KLHL29: variants seen among roughly 807,000 people sequenced by gnomAD.
The protein encoded by KLHL29 is kelch like family member 29, also known as kelch-like protein 29.
A neutral mutation model predicts 80.4 loss-of-function variants in KLHL29; 21 were observed. The observed-to-expected ratio is 0.26, with a 90% CI of 0.19 to 0.38. KLHL29 has a LOEUF of 0.38. Ranked by LOEUF, KLHL29 falls within the 10% of genes least tolerant of loss-of-function variation. The probability of loss-of-function intolerance (pLI) is 1.00; values close to 1 mark genes in which losing one functional copy is unlikely to be tolerated. For synonymous variants in KLHL29, 511 were observed against 526.8 expected (o/e 0.97, Z 0.41); for missense variants, 867 against 1,223.9 (o/e 0.71, Z 4.35).
At chr2:23,636,110 G>A (rs897099519) in intron 3 of KLHL29, among the ~76,000 whole-genome samples, 2 of 152,142 alleles carry the variant, frequency 1.3e-5, no homozygotes, top group Non-Finnish European at 2.9e-5. Flanking sequence ...CAGAACCCGG[G>A]GACCACATGG....
chr2:23,414,961 C>T (rs1386644359), intron 1 of KLHL29, among the ~76,000 whole-genome samples: 2 of 152,240 alleles, frequency 1.3e-5, no homozygotes, highest in Non-Finnish European at 2.9e-5. Flanking sequence ...AGCCCAGAGT[C>T]TCCAGGGTAG....
chr2:23,465,455 A>G (rs1664322929), intron 1 of KLHL29, among the ~76,000 whole-genome samples: 1 of 152,192 alleles, frequency 6.6e-6, no homozygotes, highest in Non-Finnish European at 1.5e-5. Context: ...TCTATCAGCA[A>G]GAGGCAGGAG....
chr2:23,639,827 A>G (rs921882848), intron 4 of KLHL29, among the ~76,000 whole-genome samples: 6 of 152,134 alleles, frequency 3.9e-5, no homozygotes, highest in Admixed American at 2.6e-4. Context: ...CAACAGCCCT[A>G]CAGGTGTCAG....
intron 2 of KLHL29, among the ~76,000 whole-genome samples, chr2:23,497,167 A>C (rs1665292174): frequency 6.6e-6 from 1 of 152,002 alleles, no homozygotes; most frequent in African/African-American, 2.4e-5. Context: ...GACTGCCTTC[A>C]GTCGGTGGGT....
At chr2:23,424,630 T>C (rs1033273621) in intron 1 of KLHL29, among the ~76,000 whole-genome samples, 1 of 152,176 alleles carries the variant, frequency 6.6e-6, no homozygotes, top group East Asian at 1.9e-4. Context: ...CAAGTTCTTA[T>C]ATAGGTCATC....
At chr2:23,659,680 T>G (rs1670351114) in intron 5 of KLHL29, among the ~76,000 whole-genome samples, 1 of 152,012 alleles carries the variant, frequency 6.6e-6, no homozygotes, top group Non-Finnish European at 1.5e-5. Context: ...GTGCCCTCAC[T>G]CATACCCAAC....
At position 23,642,868 on chromosome 2, in the gene KLHL29, G is replaced by A. The variant is rs757641747; in HGVS notation, c.940+18G>A. 2.3e-5 allele frequency: 36 copies of A among 1,549,902 alleles called. No individual in the cohort carries two copies. The East Asian group carries it at 3.4e-4, about 15-fold the overall frequency. ...CCCCAGAGGTAAGTCCTGCTGCCAC[G>A]TGCCTCCCCACGGGCCTGCGTCTGC... On this transcript the variant is annotated intron_variant, in intron 5 of 13. Transcript: ENST00000486442.
intron 3 of KLHL29, among the ~76,000 whole-genome samples, chr2:23,638,822 C>T (rs1282646707): frequency 6.6e-6 from 1 of 152,212 alleles, no homozygotes; most frequent in Admixed American, 6.5e-5. Context: ...CATCTCATAT[C>T]TCAGAATGCT....
intron 2 of KLHL29, among the ~76,000 whole-genome samples, chr2:23,531,957 A>C (rs958318773): frequency 2.0e-5 from 3 of 152,068 alleles, no homozygotes; most frequent in Admixed American, 2.0e-4. Flanking sequence ...AGTCGCCACG[A>C]CTCCCAAGTG....
intron 2 of KLHL29, among the ~76,000 whole-genome samples, chr2:23,561,886 C>T (rs536794272): frequency 6.6e-6 from 1 of 152,234 alleles, no homozygotes; most frequent in African/African-American, 2.4e-5. Context: ...TGAGATGTGG[C>T]AGAACAAACA....
Position 23,562,372 on chromosome 2 carries a change from T to C in KLHL29, c.176T>C (p.Val59Ala), listed in dbSNP as rs1667471922. 1.2e-5 allele frequency: 18 copies of C among 1,540,848 alleles called. No homozygotes were observed. The highest frequency in any genetic ancestry group is 1.5e-5 in the Non-Finnish European group (17 of 1,145,462). The change falls in exon 3 of 14, where the codon GTG (valine) becomes GCG (alanine). Residue 59 changes from valine to alanine, a missense_variant. By Grantham distance (64) the Val-to-Ala change is moderately conservative. Coordinates refer to ENST00000486442, the MANE Select transcript of KLHL29 (RefSeq NM_052920.2). This position sits in a 1 kb window ranked among gnomAD's most constrained non-coding sequence, Gnocchi z 4.5. ...CCCGGCCTCCTGCCGCTGCCCGTGG[T>C]GCCCTCCCGGCTGCCCACCCCGGCT... ...VRPGLLPLPV[V>A]PSRLPTPATA...
intron 3 of KLHL29, among the ~76,000 whole-genome samples, chr2:23,629,777 A>G (rs544139012): frequency 4.6e-5 from 7 of 152,354 alleles, no homozygotes; most frequent in East Asian, 1.9e-4. Context: ...GCTGGGTTCT[A>G]TCAAAGGCAT....
chr2:23,527,587 A>T (rs1038630472), intron 2 of KLHL29, among the ~76,000 whole-genome samples: 1 of 152,224 alleles, frequency 6.6e-6, no homozygotes, highest in African/African-American at 2.4e-5. Context: ...ACAGAGCTAG[A>T]GCCTTTCTCA....
In KLHL29 at chr2:23,684,627, A is replaced by C; in HGVS notation, c.1079+90A>C. The C allele has an allele frequency of 8.5e-7, 1 of 1,182,464 alleles. No homozygotes were observed. The allele number at this position is 1,182,464 out of a possible 1,614,324, so 73.2% of individuals were successfully genotyped here. A position where few individuals can be genotyped will look rare whatever the true frequency, so the allele number is the denominator to read the frequency against. On this transcript the variant is annotated intron_variant, in intron 6 of 13. Transcript: ENST00000486442. This position sits in a 1 kb window ranked among gnomAD's most constrained non-coding sequence, Gnocchi z 4.4. ...TCTTCCCCTCTCTTGCAGGTTCCTG[A>C]AGCGTGACTCCCTGTCACAGAGCCA...
chr2:23,444,268 A>G (rs555483308), intron 1 of KLHL29, among the ~76,000 whole-genome samples: 1 of 152,160 alleles, frequency 6.6e-6, no homozygotes, highest in African/African-American at 2.4e-5. Flanking sequence ...CAGATTTAGA[A>G]CTCAAGATTT....
intron 2 of KLHL29, among the ~76,000 whole-genome samples, chr2:23,530,597 T>G (rs1666460878): frequency 6.6e-6 from 1 of 152,200 alleles, no homozygotes; most frequent in Non-Finnish European, 1.5e-5. Flanking sequence ...ACTAGCATTT[T>G]GTTTTGGAAA....
intron 2 of KLHL29, among the ~76,000 whole-genome samples, chr2:23,552,723 A>G (rs1415703486): frequency 6.7e-6 from 1 of 148,974 alleles, no homozygotes; most frequent in Admixed American, 6.7e-5. Context: ...GAGTGGAAGC[A>G]GACATCAGAG....
chr2:23,534,631 G>T (rs1000144227), intron 2 of KLHL29, among the ~76,000 whole-genome samples: 4 of 152,148 alleles, frequency 2.6e-5, no homozygotes, highest in African/African-American at 9.7e-5. Flanking sequence ...ACACTGAGCT[G>T]CCCCTTTCCT....
At position 23,700,570 on chromosome 2, in the gene KLHL29, C is replaced by T. The variant is rs927673038; in HGVS notation, c.2106-2616C>T. The stretch of plus-strand genomic sequence containing the variant: ...GAGTGACATCGCAGAAACCAGCAAA[C>T]GCTACAAACCATGACGTTTTCCCTA... On this transcript the variant is annotated intron_variant, in intron 11 of 13. Transcript: ENST00000486442. The surrounding 1 kb of genome is among the most constrained non-coding windows in gnomAD (Gnocchi z 4.6). 6.6e-5 allele frequency among the ~76,000 whole-genome samples: 10 copies of T among 152,180 alleles called. No homozygotes were observed. The highest frequency in any genetic ancestry group is 2.0e-4 in the Admixed American group (3 of 15,280).
Sources: allele counts gnomAD v4.1 joint callset (sites outside exome capture counted in the v4.1 genomes callset), GRCh38; gene constraint gnomAD v4.1.1; non-coding constraint Gnocchi (gnomAD v3.1); transcripts MANE v1.5; gene names NCBI Gene and HGNC (gene_info 2026-07-23, HGNC 2026-07-21).